Variants in MAP3K7CL observed in about 807,000 individuals in gnomAD.
MAP3K7CL encodes MAP3K7 C-terminal-like protein.
A neutral mutation model predicts 18.6 loss-of-function variants in MAP3K7CL; 16 were observed. The ratio of observed to expected loss-of-function variants is 0.86; its 90% confidence interval spans 0.58 to 1.31. The LOEUF is 1.31. Ranked by LOEUF, MAP3K7CL falls within the 50% of genes most tolerant of loss-of-function variation. The pLI, the probability that MAP3K7CL is intolerant of heterozygous loss-of-function variation, is 0.00. For synonymous variants in MAP3K7CL, 65 were observed against 66.8 expected (o/e 0.97, Z 0.13); for missense variants, 163 against 174.4 (o/e 0.93, Z 0.37).
chr21:29,159,388 C>T (rs998790811), intron 3 of MAP3K7CL, among the ~76,000 whole-genome samples: 2 of 151,978 alleles, frequency 1.3e-5, no homozygotes, highest in Non-Finnish European at 1.5e-5. Context: ...GAGGGAGATC[C>T]GGCCTTTCTT....
intron 4 of MAP3K7CL, among the ~76,000 whole-genome samples, chr21:29,166,484 G>A (rs2087691751): frequency 6.6e-6 from 1 of 152,294 alleles, no homozygotes; most frequent in African/African-American, 2.4e-5. Context: ...TATTCACAGA[G>A]TTGTGCAACC....
At chr21:29,112,668 A>G (rs1012416629) in intron 4 of MAP3K7CL, among the ~76,000 whole-genome samples, 2 of 151,770 alleles carry the variant, frequency 1.3e-5, no homozygotes, top group Non-Finnish European at 2.9e-5. Flanking sequence ...GTCTCTCATA[A>G]TTACATAGAT....
chr21:29,099,409 T>C (rs2086182412), intron 4 of MAP3K7CL, among the ~76,000 whole-genome samples: 1 of 151,704 alleles, frequency 6.6e-6, no homozygotes, highest in African/African-American at 2.4e-5. Flanking sequence ...CCAGCTAAAA[T>C]ACTAGTTTTT....
intron 3 of MAP3K7CL, chr21:29,092,231 A>G: frequency 1.8e-6 from 1 of 550,390 alleles, no homozygotes; most frequent in South Asian, 2.7e-5. Flanking sequence ...TTGAACATCC[A>G]GGACTGGAAT....
chr21:29,173,019 T>G (rs2087880355), intron 4 of MAP3K7CL, among the ~76,000 whole-genome samples: 1 of 152,212 alleles, frequency 6.6e-6, no homozygotes, highest in South Asian at 2.1e-4. Flanking sequence ...TAGCCAACTG[T>G]AGTGATGAAA....
chr21:29,140,088 C>T (rs576921016), intron 2 of MAP3K7CL, among the ~76,000 whole-genome samples: 29 of 152,184 alleles, frequency 1.9e-4, no homozygotes, highest in African/African-American at 7.0e-4. Flanking sequence ...GCCGCCTCAG[C>T]ATGCAGTGAC....
At position 29,136,495 on chromosome 21, in the gene MAP3K7CL, G is replaced by A. The variant is rs529596342; in HGVS notation, c.70+3081G>A. On this transcript the variant is annotated intron_variant, in intron 2 of 4. Coordinates refer to ENST00000399928, the MANE Select transcript of MAP3K7CL (RefSeq NM_001286620.2). ...AAAGGAAACATCTTTGCTTGTGAAT[G>A]TTGACATGTTCATTTTTTTCTTTTC... Among the ~76,000 whole-genome samples the A allele has an allele frequency of 2.6e-5, 4 of 151,854 alleles. No individual in the cohort carries two copies. The South Asian group carries it at 8.3e-4, about 32-fold the overall frequency.
At chr21:29,158,381 T>C (rs1250841247) in intron 3 of MAP3K7CL, among the ~76,000 whole-genome samples, 1 of 152,238 alleles carries the variant, frequency 6.6e-6, no homozygotes, top group Admixed American at 6.5e-5. Flanking sequence ...TCTGAGTTTA[T>C]GCTGTGAATG....
chr21:29,137,546 G>T (rs921494135), intron 2 of MAP3K7CL, among the ~76,000 whole-genome samples: 4 of 152,076 alleles, frequency 2.6e-5, no homozygotes, highest in African/African-American at 9.7e-5. Flanking sequence ...TACAAAAAAG[G>T]GGCTACATAT....
intron 4 of MAP3K7CL, among the ~76,000 whole-genome samples, chr21:29,118,048 G>T (rs1422404490): frequency 6.7e-6 from 1 of 150,022 alleles, no homozygotes; most frequent in Non-Finnish European, 1.5e-5. Context: ...ATTTAGAATT[G>T]TAAGAAACTT....
intron 4 of MAP3K7CL, among the ~76,000 whole-genome samples, chr21:29,108,433 T>C (rs1461372255): frequency 6.6e-6 from 1 of 152,218 alleles, no homozygotes; most frequent in African/African-American, 2.4e-5. Context: ...TAATTTATAG[T>C]ATTTTCTTAT....
chr21:29,122,879 G>A (rs1323608970), intron 4 of MAP3K7CL, among the ~76,000 whole-genome samples: 2 of 152,092 alleles, frequency 1.3e-5, no homozygotes, highest in Admixed American at 1.3e-4. Flanking sequence ...CCTCCTGTCT[G>A]TATCAATTGT....
In MAP3K7CL at chr21:29,091,683, A is replaced by G. The variant is rs140863907; in HGVS notation, c.149A>G (p.Tyr50Cys). The change falls in exon 3 of 7, where the codon TAT becomes TGT. Residue 50 changes from tyrosine (Y) to cysteine (C), a missense_variant. Coordinates refer to the MAP3K7CL transcript ENST00000286791. ...TTTTTCATAGAGATGGAGTCTCGCT[A>G]TTTTGCCCAGGTTGGTCTTGAACAC... The G allele has an allele frequency of 5.1e-4, 357 of 701,714 alleles. 1 individual carries two copies. The African/African-American group carries it at 5.3e-3, about 10-fold the overall frequency. 43.5% of individuals were successfully genotyped at this position (701,714 alleles called of 1,614,324 possible).
At chr21:29,082,996 C>G (rs1203249780), upstream of MAP3K7CL, among the ~76,000 whole-genome samples, 1 of 151,878 alleles carries the variant, frequency 6.6e-6, no homozygotes, top group Non-Finnish European at 1.5e-5. Flanking sequence ...TGAAAAAACT[C>G]TAGCTAAACA....
chr21:29,139,549 T>G (rs763627624), intron 2 of MAP3K7CL, among the ~76,000 whole-genome samples: 4 of 152,172 alleles, frequency 2.6e-5, no homozygotes, highest in Non-Finnish European at 4.4e-5. Context: ...TCATCTGCAC[T>G]AAGCTATAAA....
chr21:29,085,482 G>A (rs966575748), upstream of MAP3K7CL, among the ~76,000 whole-genome samples: 4 of 145,198 alleles, frequency 2.8e-5, no homozygotes, highest in Non-Finnish European at 6.0e-5. Context: ...GGGAGGCGGA[G>A]CTTGCAGTGA....
chr21:29,146,792 A>G (rs2087137821), intron 2 of MAP3K7CL, among the ~76,000 whole-genome samples: 3 of 152,230 alleles, frequency 2.0e-5, no homozygotes, highest in African/African-American at 7.2e-5. Flanking sequence ...ACTACTCTTG[A>G]CTAAAATATA....
intron 2 of MAP3K7CL, among the ~76,000 whole-genome samples, chr21:29,143,643 G>A (rs887013081): frequency 2.6e-5 from 4 of 151,952 alleles, no homozygotes; most frequent in East Asian, 1.9e-4. Context: ...GTCTGGTCTC[G>A]AACTCCCGAC....
chr21:29,094,822 C>T (rs567651827), intron 4 of MAP3K7CL, among the ~76,000 whole-genome samples: 5 of 152,104 alleles, frequency 3.3e-5, no homozygotes, highest in South Asian at 4.2e-4. Context: ...TTTGAGAGGC[C>T]GAGGCAGGAG....
Sources: allele counts gnomAD v4.1 joint callset (sites outside exome capture counted in the v4.1 genomes callset), GRCh38; gene constraint gnomAD v4.1.1; transcripts MANE v1.5; gene names NCBI Gene and HGNC (gene_info 2026-07-23, HGNC 2026-07-21).